DHX34: variants seen among roughly 807,000 people sequenced by gnomAD.
DHX34 encodes probable ATP-dependent RNA helicase DHX34.
DHX34 carries 96 observed loss-of-function variants against 111.1 expected under a neutral mutation model. The ratio of observed to expected loss-of-function variants is 0.86; its 90% CI spans 0.73 to 1.02. The LOEUF (loss-of-function observed/expected upper bound fraction) is 1.02. Ranked by LOEUF, DHX34 falls within the 50% of genes least tolerant of loss-of-function variation. The probability of loss-of-function intolerance (pLI) is 0.00; values close to 1 mark genes in which losing one functional copy is unlikely to be tolerated. For missense variants in DHX34, 1,560 were observed against 1,579.9 expected (o/e 0.99, Z 0.21); for synonymous variants, 688 against 670.4 (o/e 1.03, Z -0.41).
At chr19:47,373,052 G>C in intron 8 of DHX34, 129 bp downstream of exon 8, 1 of 1,232,282 alleles carries the variant, frequency 8.1e-7, no homozygotes, top group South Asian at 1.6e-5. Context: ...CCCACAGACT[G>C]GGCCTGCCTG....
rs759618081 is a variant in DHX34 at position 47,379,670 on chromosome 19, C to T, written c.2707-40C>T. ...GGCCTGTCTCCAATAGCGCCCTGCC[C>T]CTCCCACCTACTCCCTGTCTTCTGC... On this transcript the variant is annotated intron_variant, in intron 13 of 16. Transcript: ENST00000328771. 2.6e-6 allele frequency: 4 copies of T among 1,560,220 alleles called. No individual in the cohort carries two copies. In the South Asian group the frequency reaches 4.7e-5, roughly 18 times the overall value.
rs371822195 is a variant in DHX34 at position 47,357,879 on chromosome 19, C to T, written c.1031C>T (p.Pro344Leu). ...GTCTCCTCTCAGGTTGTGTACCAGC[C>T]GCAGGAGGCGGAGCCGACCACGTCC... ...RLFPITVVYQ[P>L]QEAEPTTSKS... Residue 344 changes from proline to leucine, a missense_variant, in exon 4 of 17, where the codon CCG becomes CTG. Physicochemically the swap from Pro to Leu is moderately conservative, Grantham distance 98 (BLOSUM62 -3). Coordinates refer to ENST00000328771, the MANE Select transcript of DHX34 (RefSeq NM_014681.6). 49 of 1,613,146 alleles carry T rather than the reference C, an allele frequency of 3.0e-5. No individual in the cohort carries two copies. The highest frequency in any genetic ancestry group is 5.5e-5 in the South Asian group (5 of 91,036).
chr19:47,360,410 T>C (rs1465982476), intron 5 of DHX34, among the ~76,000 whole-genome samples: 1 of 152,144 alleles, frequency 6.6e-6, no homozygotes, highest in Non-Finnish European at 1.5e-5. Flanking sequence ...TGGAAGACGA[T>C]GTGTGGGGCC....
In DHX34 at chr19:47,379,941, G is replaced by C; in HGVS notation, c.2938G>C (p.Val980Leu). ...EEDTPVSPKE[V>L]ATLSKELLQF... ...GGATACGCCAGTCAGCCCCAAGGAG[G>C]TGGCCACCCTGAGCAAGGAACTCCT... Residue 980 changes from valine (V) to leucine (L), a missense_variant, in exon 14 of 17, where the codon GTG becomes CTG. Physicochemically the swap from Val to Leu is conservative, Grantham distance 32 (BLOSUM62 1). Transcript: ENST00000328771. The C allele has an allele frequency of 1.2e-6, 2 of 1,602,986 alleles. No homozygotes were observed. Among genetic ancestry groups the C allele is most frequent in the Non-Finnish European group, 1.7e-6 (2 of 1,171,034 alleles).
chr19:47,349,830 C>T (rs62130467), intron 1 of DHX34, among the ~76,000 whole-genome samples: 5,199 of 152,050 alleles, frequency 0.034, 95 homozygotes, highest in Non-Finnish European at 0.048. Context: ...ACGGGGGAGA[C>T]CGAGAGATAC....
intron 13 of DHX34, chr19:47,379,482 C>A: frequency 3.4e-6 from 2 of 590,526 alleles, no homozygotes; most frequent in Non-Finnish European, 4.3e-6. Flanking sequence ...ACGCTCCCAT[C>A]TGCCGCCCCG....
chr19:47,372,755 G>C lies in DHX34; in HGVS notation c.1794G>C (p.Met598Ile). 1.2e-6 allele frequency: 2 copies of C among 1,611,272 alleles called. No homozygotes were observed. The highest frequency in any genetic ancestry group is 1.7e-6 in the Non-Finnish European group (2 of 1,179,066). Residue 598 changes from methionine (M) to isoleucine (I), a missense_variant, in exon 8 of 17, where the codon ATG becomes ATC. By Grantham distance (10) the Met-to-Ile change is conservative. Coordinates refer to ENST00000328771, the MANE Select transcript of DHX34 (RefSeq NM_014681.6). Reference protein sequence around the residue: ...VIGKMLILGSMFSLVEPVLTI... With the variant: ...VIGKMLILGSIFSLVEPVLTI... The stretch of plus-strand genomic sequence containing the variant: ...GGAAGATGCTGATCCTGGGCTCCAT[G>C]TTCAGCCTGGTGGAGCCTGTGCTCA...
At chr19:47,377,045 C>G in intron 12 of DHX34, 55 bp from the exon 13 acceptor site, 1 of 1,611,484 alleles carries the variant, frequency 6.2e-7, no homozygotes, top group Non-Finnish European at 8.5e-7. Context: ...AGGCGGGCTT[C>G]TGATGGGCCT....
chr19:47,358,884 G>A (rs989350474), intron 4 of DHX34, among the ~76,000 whole-genome samples: 1 of 152,192 alleles, frequency 6.6e-6, no homozygotes, highest in African/African-American at 2.4e-5. Context: ...CCAAAGTGCT[G>A]GGGTTACAGG....
chr19:47,359,751 C>T lies in DHX34; in HGVS notation c.1273-217C>T, dbSNP rs370599716. 1.6e-4 allele frequency: 117 copies of T among 744,890 alleles called. No homozygotes were observed. In the African/African-American group the frequency reaches 2.0e-3, roughly 13 times the overall value. The allele number at this position is 744,890 out of a possible 1,614,324, so 46.1% of individuals were successfully genotyped here. On this transcript the variant is annotated intron_variant, in intron 4 of 16. Transcript: ENST00000328771. ...GAGCCGAGATCACGCCACTGCACTC[C>T]AGCCTGGGCGACAGAGCAAGACTCC...
chr19:47,370,670 TTTTATTTATTTA>T (rs71180829), intron 7 of DHX34, among the ~76,000 whole-genome samples: 2 of 151,272 alleles, frequency 1.3e-5, no homozygotes, highest in Non-Finnish European at 3.0e-5. Flanking sequence ...TTCATTTTTG[TTTTATTTATTTA>T]TTTATTTATT....
At chr19:47,360,962 G>A (rs558113792) in intron 5 of DHX34, among the ~76,000 whole-genome samples, 5 of 151,632 alleles carry the variant, frequency 3.3e-5, no homozygotes, top group South Asian at 2.1e-4. Flanking sequence ...GAGCCACCAC[G>A]CCCAGCCCGA....
At chr19:47,354,395 T>C (rs1018913698) in intron 2 of DHX34, among the ~76,000 whole-genome samples, 5 of 152,216 alleles carry the variant, frequency 3.3e-5, no homozygotes, top group Non-Finnish European at 7.3e-5. Context: ...TGGCATATAA[T>C]GTCCTGGCAC....
chr19:47,363,712 G>A (rs1465191509), intron 6 of DHX34, among the ~76,000 whole-genome samples: 1 of 151,848 alleles, frequency 6.6e-6, no homozygotes, highest in Non-Finnish European at 1.5e-5. Flanking sequence ...CGGCTATTTG[G>A]GAGGCTGAGG....
At chr19:47,372,680 T>C in intron 7 of DHX34, 50 bp from the exon 8 acceptor site, 1 of 1,517,128 alleles carries the variant, frequency 6.6e-7, no homozygotes. Context: ...GGGTGAGGGC[T>C]GCGCCTGTCC....
chr19:47,379,279 C>T (rs1458182500), intron 13 of DHX34, among the ~76,000 whole-genome samples: 3 of 152,224 alleles, frequency 2.0e-5, no homozygotes, highest in Non-Finnish European at 2.9e-5. Flanking sequence ...GCCCTTTCCT[C>T]TGCCCTGGCC....
chr19:47,381,157 G>T (rs771969083), intron 15 of DHX34, 29 bp from the exon 16 acceptor site: 2 of 1,611,006 alleles, frequency 1.2e-6, no homozygotes. Context: ...CTTGGCGGGG[G>T]CCCAGCCCTG....
At position 47,379,754 on chromosome 19, in the gene DHX34, C is replaced by T; in HGVS notation, c.2751C>T (p.Cys917=). 3 of 1,612,490 alleles carry T rather than the reference C, an allele frequency of 1.9e-6. No individual in the cohort carries two copies. The highest frequency in any genetic ancestry group is 2.5e-6 in the Non-Finnish European group (3 of 1,178,748). ...GGTCTTTGGACACCAATGGTGACTG[C>T]TCCCGCCTGGTGGCCGATGGCTGGC... ...FSRSLDTNGD[C]SRLVADGWLE... Residue 917 remains cysteine, a synonymous_variant, in exon 14 of 17, where the codon TGC becomes TGT. Transcript: ENST00000328771.
chr19:47,368,939 A>C (rs1375519527), intron 7 of DHX34, among the ~76,000 whole-genome samples: 3 of 152,044 alleles, frequency 2.0e-5, no homozygotes, highest in Non-Finnish European at 4.4e-5. Flanking sequence ...GCTGGAGTGC[A>C]GTGGTGTGAT....
Sources: allele counts gnomAD v4.1 joint callset (sites outside exome capture counted in the v4.1 genomes callset), GRCh38; gene constraint gnomAD v4.1.1; transcripts MANE v1.5; gene names NCBI Gene and HGNC (gene_info 2026-07-23, HGNC 2026-07-21).